The following DNAH11 variants were observed in gnomAD, a reference collection of about 807,000 sequenced individuals.
DNAH11 encodes axonemal beta dynein heavy chain 11.
DNAH11 carries 442 observed loss-of-function variants against 526.0 expected under a neutral mutation model. That is an observed-to-expected ratio of 0.84 (90% CI 0.78 to 0.91). The LOEUF is 0.91. Among genes scored for constraint, DNAH11 ranks in the 40% least tolerant of loss-of-function variants. The pLI is 0.00. For missense variants in DNAH11, 6,989 were observed against 5,448.7 expected (o/e 1.28, Z -8.90); for synonymous variants, 2,461 against 1,935.9 (o/e 1.27, Z -7.12).
chr7:21,717,789 G>T lies in DNAH11; in HGVS notation c.6998G>T (p.Trp2333Leu), dbSNP rs1440638496. The T allele has an allele frequency of 2.5e-5, 41 of 1,613,652 alleles. No homozygotes were observed. Among genetic ancestry groups the T allele is most frequent in the Non-Finnish European group, 3.4e-5 (40 of 1,179,812 alleles). The change falls in exon 43 of 82, where the codon TGG becomes TTG. Residue 2333 changes from tryptophan to leucine, a missense_variant. Transcript: ENST00000409508. The part of the protein sequence containing the change: ...DLGWNPYVAS[W>L]IDRRRHQSEK... ...TTCCTTTTCAGGTATGTGGCCAGTT[G>T]GATAGACAGAAGGCGGCATCAATCA...
chr7:21,575,882 C>A (rs1784074359), intron 8 of DNAH11, among the ~76,000 whole-genome samples: 1 of 152,162 alleles, frequency 6.6e-6, no homozygotes, highest in Non-Finnish European at 1.5e-5. Context: ...TAGCATTGCT[C>A]ATCTTAAAAC....
chr7:21,682,709 A>G lies in DNAH11; in HGVS notation c.5460+1032A>G, dbSNP rs1443823357. Among the ~76,000 whole-genome samples the G allele has an allele frequency of 3.3e-5, 5 of 152,136 alleles. No individual in the cohort carries two copies. In the South Asian group the frequency reaches 6.2e-4, roughly 19 times the overall value. ...TTAAAACAAGGCAATTCCTTTCACA[A>G]TTCGAATGCCTGTACGTATTGTGAA... On this transcript the variant is annotated intron_variant, in intron 31 of 81. Transcript: ENST00000409508.
intron 81 of DNAH11, 86 bp from the exon 82 acceptor site, chr7:21,900,921 A>G: frequency 1.4e-6 from 2 of 1,435,216 alleles, no homozygotes; most frequent in Non-Finnish European, 1.8e-6. Context: ...AGAATGTTGA[A>G]TGTTTATTGC....
At position 21,703,248 on chromosome 7, in the gene DNAH11, T is replaced by C. The variant is rs570907764; in HGVS notation, c.6273+446T>C. On this transcript the variant is annotated intron_variant, in intron 37 of 81. Coordinates refer to ENST00000409508, the MANE Select transcript of DNAH11 (RefSeq NM_001277115.2). ...GGGTGGGTGCCTGACACCAATGAAA[T>C]GCGTGATTGGTTGGTCAGAGCTACT... Among the ~76,000 whole-genome samples the C allele has an allele frequency of 2.0e-5, 3 of 152,210 alleles. No individual in the cohort carries two copies. The East Asian group carries it at 5.8e-4, about 29-fold the overall frequency.
chr7:21,861,405 T>C (rs1311149909), intron 68 of DNAH11, among the ~76,000 whole-genome samples: 1 of 152,240 alleles, frequency 6.6e-6, no homozygotes, highest in Non-Finnish European at 1.5e-5. Flanking sequence ...GCCTTGAATC[T>C]GCATTAAACG....
intron 30 of DNAH11, among the ~76,000 whole-genome samples, chr7:21,680,710 C>T (rs996483666): frequency 3.9e-5 from 6 of 152,218 alleles, no homozygotes; most frequent in African/African-American, 1.4e-4. Flanking sequence ...AAATATTTAT[C>T]TACGAGTTCG....
chr7:21,822,123 G>C (rs1208218508), intron 65 of DNAH11, among the ~76,000 whole-genome samples: 3 of 151,806 alleles, frequency 2.0e-5, no homozygotes, highest in Non-Finnish European at 4.4e-5. Context: ...GTTTTGCATT[G>C]CTATAAAGGA....
intron 23 of DNAH11, chr7:21,618,278 A>T (rs1785875270): frequency 1.3e-5 from 2 of 152,662 alleles, no homozygotes; most frequent in South Asian, 4.1e-4. Flanking sequence ...TCCGGAGCAA[A>T]TCAGGGCATT....
intron 66 of DNAH11, among the ~76,000 whole-genome samples, chr7:21,850,542 A>T (rs796436312): frequency 1.6e-5 from 2 of 124,292 alleles, no homozygotes; most frequent in African/African-American, 1.0e-4. Flanking sequence ...TTTAACTCCC[A>T]GTTTGATAAT....
intron 62 of DNAH11, among the ~76,000 whole-genome samples, chr7:21,807,592 A>T (rs372245686): frequency 7.9e-5 from 12 of 152,302 alleles, no homozygotes; most frequent in East Asian, 3.9e-4. Flanking sequence ...TCAGCCTTTC[A>T]AGAAGGACCT....
chr7:21,591,123 T>G, intron 13 of DNAH11, 62 bp from the exon 14 acceptor site: 1 of 1,521,212 alleles, frequency 6.6e-7, no homozygotes, highest in East Asian at 2.3e-5. Flanking sequence ...TTTTACACCT[T>G]TAAGACAGAG....
chr7:21,688,691 G>T (rs1001955467), intron 34 of DNAH11, among the ~76,000 whole-genome samples: 1 of 152,150 alleles, frequency 6.6e-6, no homozygotes. Flanking sequence ...CATCCCAATA[G>T]GTTATACCTT....
chr7:21,616,109 G>A, intron 21 of DNAH11, 100 bp from the exon 22 acceptor site: 1 of 871,190 alleles, frequency 1.1e-6, no homozygotes, highest in South Asian at 1.7e-5. Flanking sequence ...CTTTCCACTG[G>A]ATGATAGAGT....
intron 63 of DNAH11, among the ~76,000 whole-genome samples, chr7:21,808,327 G>C (rs530717311): frequency 1.3e-5 from 2 of 152,056 alleles, no homozygotes; most frequent in Non-Finnish European, 2.9e-5. Context: ...AATGTGTAAT[G>C]GTCAAGTCAG....
At chr7:21,701,761 TATTA>T (rs1470480651) in intron 36 of DNAH11, among the ~76,000 whole-genome samples, 2 of 152,236 alleles carry the variant, frequency 1.3e-5, no homozygotes, top group African/African-American at 4.8e-5. Context: ...TTTGTACTCA[TATTA>T]ATTCACTTTA....
intron 28 of DNAH11, among the ~76,000 whole-genome samples, chr7:21,651,045 T>C (rs1415861761): frequency 6.6e-6 from 1 of 151,976 alleles, no homozygotes; most frequent in Non-Finnish European, 1.5e-5. Flanking sequence ...TCACTTTATC[T>C]CATTCTAGAG....
At chr7:21,766,245 C>A (rs1270621498) in intron 55 of DNAH11, among the ~76,000 whole-genome samples, 1 of 152,126 alleles carries the variant, frequency 6.6e-6, no homozygotes, top group Non-Finnish European at 1.5e-5. Flanking sequence ...TTCAAGCATT[C>A]AGATTCAGAG....
intron 76 of DNAH11, among the ~76,000 whole-genome samples, chr7:21,890,256 C>G (rs919829952): frequency 2.6e-5 from 4 of 152,164 alleles, no homozygotes; most frequent in African/African-American, 9.7e-5. Flanking sequence ...TACCTCAGGC[C>G]CTTTTGAGTT....
chr7:21,721,248 G>A (rs1784864429), intron 44 of DNAH11, among the ~76,000 whole-genome samples: 1 of 152,098 alleles, frequency 6.6e-6, no homozygotes, highest in Non-Finnish European at 1.5e-5. Context: ...ATTCTTCCCG[G>A]TAGCTCCAGT....
Sources: allele counts gnomAD v4.1 joint callset (sites outside exome capture counted in the v4.1 genomes callset), GRCh38; gene constraint gnomAD v4.1.1; transcripts MANE v1.5; gene names NCBI Gene and HGNC (gene_info 2026-07-23, HGNC 2026-07-21).